SPATA16: variants seen among roughly 807,000 people sequenced by gnomAD.
The protein encoded by SPATA16 is spermatogenesis associated 16, also known as spermatogenesis-associated protein 16.
Under a neutral mutation model 63.3 loss-of-function variants are expected in SPATA16, and 36 were observed. That is an observed-to-expected ratio of 0.57 (90% confidence interval 0.44 to 0.75). The LOEUF (loss-of-function observed/expected upper bound fraction) is 0.75. SPATA16 is among the 30% of genes least tolerant of loss of function. SPATA16 has a pLI of 0.00. For synonymous variants in SPATA16, 203 were observed against 216.7 expected, an observed-to-expected ratio of 0.94 and a Z score of 0.56; for missense variants, 646 against 679.3, an observed-to-expected ratio of 0.95 and a Z score of 0.54.
chr3:173,113,102 AT>A (rs1381189933), intron 2 of SPATA16, among the ~76,000 whole-genome samples: 3 of 152,176 alleles, frequency 2.0e-5, no homozygotes, highest in African/African-American at 7.2e-5. Flanking sequence ...CAGCCAAGCA[AT>A]TTATTACATA....
intron 8 of SPATA16, among the ~76,000 whole-genome samples, chr3:172,921,059 C>CTT (rs1207872341): frequency 4.6e-4 from 63 of 137,284 alleles, no homozygotes; most frequent in East Asian, 8.5e-4. Context: ...TTGTTTTTGT[C>CTT]TTTTTTTTTT....
chr3:173,082,788 A>G lies in SPATA16; in HGVS notation c.613-33694T>C, dbSNP rs959028120. Among the ~76,000 whole-genome samples the G allele has an allele frequency of 5.3e-5, 8 of 152,310 alleles. No individual in the cohort carries two copies. The East Asian group carries it at 1.5e-3, about 29-fold the overall frequency. On this transcript the variant is annotated intron_variant, in intron 2 of 10. Coordinates refer to ENST00000351008, the MANE Select transcript of SPATA16 (RefSeq NM_031955.6). ...TGGATGAGGTTCTCTGAAACCTGGGATAAGAGCAGAGGTCCTTTTATGCTT... is the reference window on the plus strand; with the variant it reads ...TGGATGAGGTTCTCTGAAACCTGGGGTAAGAGCAGAGGTCCTTTTATGCTT...
chr3:173,108,817 C>T (rs1214268797), intron 2 of SPATA16, among the ~76,000 whole-genome samples: 1 of 152,148 alleles, frequency 6.6e-6, no homozygotes, highest in Non-Finnish European at 1.5e-5. Context: ...CAATTGCCTA[C>T]AGCACTCAGT....
intron 4 of SPATA16, among the ~76,000 whole-genome samples, chr3:173,002,158 T>C (rs1478663610): frequency 6.6e-6 from 1 of 152,154 alleles, no homozygotes; most frequent in Non-Finnish European, 1.5e-5. Context: ...CTTTGGCCAT[T>C]GGGAGTTTTT....
intron 6 of SPATA16, among the ~76,000 whole-genome samples, chr3:172,932,070 G>A (rs1426232110): frequency 2.0e-5 from 3 of 152,126 alleles, no homozygotes; most frequent in East Asian, 1.9e-4. Context: ...ATATATGTGA[G>A]GGATAGCTGT....
chr3:173,067,470 T>C (rs1443421986), intron 2 of SPATA16, among the ~76,000 whole-genome samples: 1 of 152,050 alleles, frequency 6.6e-6, no homozygotes, highest in Non-Finnish European at 1.5e-5. Context: ...AGGGTAAGGA[T>C]TGAAAAACTA....
At chr3:172,900,710 G>A (rs573313476) in intron 10 of SPATA16, among the ~76,000 whole-genome samples, 55 of 151,876 alleles carry the variant, frequency 3.6e-4, no homozygotes, top group African/African-American at 1.2e-3. Flanking sequence ...GCATGATCTC[G>A]GCTCACTGCA....
At chr3:173,011,883 A>T (rs1292380973) in intron 4 of SPATA16, among the ~76,000 whole-genome samples, 1 of 152,162 alleles carries the variant, frequency 6.6e-6, no homozygotes, top group African/African-American at 2.4e-5. Flanking sequence ...GCATGATCAT[A>T]GTTCATTCCA....
intron 2 of SPATA16, among the ~76,000 whole-genome samples, chr3:173,054,758 TAAAGA>T (rs1477396197): frequency 1.1e-4 from 17 of 151,756 alleles, no homozygotes; most frequent in Admixed American, 5.9e-4. Flanking sequence ...TTTTTAAGAA[TAAAGA>T]AAAGAGAAAG....
At chr3:173,125,175 T>C (rs973451976) in intron 1 of SPATA16, among the ~76,000 whole-genome samples, 2 of 152,182 alleles carry the variant, frequency 1.3e-5, no homozygotes, top group South Asian at 4.1e-4. Context: ...TTGGCCAAGA[T>C]AGAGCTTTAC....
At chr3:172,986,444 A>G (rs1734460903) in intron 4 of SPATA16, among the ~76,000 whole-genome samples, 1 of 152,206 alleles carries the variant, frequency 6.6e-6, no homozygotes, top group Non-Finnish European at 1.5e-5. Flanking sequence ...AACAATAAGT[A>G]AAGTGGATAA....
chr3:173,083,025 A>G (rs1736961316), intron 2 of SPATA16, among the ~76,000 whole-genome samples: 1 of 152,150 alleles, frequency 6.6e-6, no homozygotes, highest in Non-Finnish European at 1.5e-5. Flanking sequence ...TCATTTAAAA[A>G]TGGGGTTGTA....
intron 4 of SPATA16, among the ~76,000 whole-genome samples, chr3:172,977,303 T>G (rs759085438): frequency 1.3e-5 from 2 of 152,146 alleles, no homozygotes; most frequent in Admixed American, 6.5e-5. Flanking sequence ...TTTTTAAATT[T>G]GTACAGTATA....
intron 9 of SPATA16, among the ~76,000 whole-genome samples, chr3:172,915,585 A>G (rs1292382434): frequency 6.6e-6 from 1 of 152,182 alleles, no homozygotes; most frequent in Non-Finnish European, 1.5e-5. Flanking sequence ...CCTTTCCTTG[A>G]ACAGGCAGCA....
In SPATA16 at chr3:173,010,886, C is replaced by T. The variant is rs572047408; in HGVS notation, c.848+8600G>A. On this transcript the variant is annotated intron_variant, in intron 4 of 10. Transcript: ENST00000351008. ...CCATTACAGCCAGCACCTGAATCCTCGAAACCCAACTCCCCTAGACAGACC... is the reference window on the plus strand; with the variant it reads ...CCATTACAGCCAGCACCTGAATCCTTGAAACCCAACTCCCCTAGACAGACC... Among the ~76,000 whole-genome samples, 9 of 152,128 alleles carry T rather than the reference C, an allele frequency of 5.9e-5. No homozygotes were observed. The South Asian group carries it at 1.5e-3, about 25-fold the overall frequency.
intron 4 of SPATA16, among the ~76,000 whole-genome samples, chr3:172,989,742 T>G (rs943189382): frequency 6.6e-6 from 1 of 152,174 alleles, no homozygotes; most frequent in African/African-American, 2.4e-5. Flanking sequence ...TCTGCCCAGG[T>G]CTTAACACTG....
chr3:172,915,031 A>G (rs1377025916), intron 9 of SPATA16, among the ~76,000 whole-genome samples: 1 of 152,102 alleles, frequency 6.6e-6, no homozygotes, highest in Non-Finnish European at 1.5e-5. Context: ...GCTTCCTCTT[A>G]TCTCAGAGGA....
intron 2 of SPATA16, among the ~76,000 whole-genome samples, chr3:173,059,322 A>G (rs189007971): frequency 2.6e-4 from 33 of 127,520 alleles, no homozygotes; most frequent in Non-Finnish European, 1.5e-4. Flanking sequence ...TTGTTTTCTT[A>G]GTTCTTTTAC....
At position 173,027,250 on chromosome 3, in the gene SPATA16, C is replaced by T. The variant is rs191611834; in HGVS notation, c.759-7675G>A. Among the ~76,000 whole-genome samples, 545 of 151,904 alleles carry T rather than the reference C, an allele frequency of 3.6e-3. 1 individual carries two copies. The highest frequency in any genetic ancestry group is 6.0e-3 in the Non-Finnish European group (405 of 67,844). On this transcript the variant is annotated intron_variant, in intron 3 of 10. Coordinates refer to ENST00000351008, the MANE Select transcript of SPATA16 (RefSeq NM_031955.6). ...TTATAGAAACATAATTGATTTTTTACGTTGACCTTGTATTCTGCTACATCA... is the reference window on the plus strand; with the variant it reads ...TTATAGAAACATAATTGATTTTTTATGTTGACCTTGTATTCTGCTACATCA...
Sources: gnomAD v4.1 joint callset for allele counts (sites outside exome capture counted in the v4.1 genomes callset) on GRCh38, gnomAD v4.1.1 for gene constraint, MANE v1.5 for transcripts, NCBI Gene and HGNC (gene_info 2026-07-23, HGNC 2026-07-21) for gene names.